The following LINS1 variants were observed in gnomAD, a reference collection of about 807,000 sequenced individuals.
LINS1 encodes the protein lines homolog 1, also known as protein Lines homolog 1.
LINS1 carries 27 observed loss-of-function variants against 41.6 expected under a neutral mutation model. The ratio of observed to expected loss-of-function variants is 0.65; its 90% CI spans 0.48 to 0.89. The LOEUF is 0.89. LINS1 is among the 40% of genes least tolerant of loss of function. The probability of loss-of-function intolerance (pLI) is 0.00; values close to 1 mark genes in which losing one functional copy is unlikely to be tolerated. For missense variants in LINS1, 955 were observed against 884.1 expected (o/e 1.08, Z -1.02); for synonymous variants, 336 against 312.9 (o/e 1.07, Z -0.78).
chr15:100,585,073 T>C (rs993690955), intron 1 of LINS1, among the ~76,000 whole-genome samples: 4 of 152,210 alleles, frequency 2.6e-5, no homozygotes, highest in African/African-American at 9.6e-5. Context: ...TCAAATTATA[T>C]GGATGTTAAA....
In LINS1 at chr15:100,569,782, A is replaced by G; in HGVS notation, c.1730T>C (p.Leu577Ser). 6.2e-7 allele frequency: 1 copy of G among 1,614,068 alleles called. No homozygotes were observed. Among genetic ancestry groups the G allele is most frequent in the Non-Finnish European group, 8.5e-7 (1 of 1,179,976 alleles). ...QSSNQTIPHR[L>S]TAPHSHRDVC... Reference sequence around the variant, plus strand: ...ATCTCTGTGACTATGAGGAGCAGTCAAACGATGGGGTATTGTTTGGTTGGA... The same window carrying G: ...ATCTCTGTGACTATGAGGAGCAGTCGAACGATGGGGTATTGTTTGGTTGGA... Residue 577 changes from leucine (L) to serine (S), a missense_variant, in exon 7 of 7, where the codon TTG becomes TCG. Physicochemically the swap from Leu to Ser is moderately radical, Grantham distance 145 (BLOSUM62 -2). Transcript: ENST00000314742.
At position 100,575,226 on chromosome 15, in the gene LINS1, T is replaced by C. The variant is rs145298749; in HGVS notation, c.490-98A>G. The C allele has an allele frequency of 1.1e-4, 114 of 1,057,192 alleles. No individual in the cohort carries two copies. In the African/African-American group the frequency reaches 1.5e-3, roughly 14 times the overall value. 65.5% of individuals were successfully genotyped at this position (1,057,192 alleles called of 1,614,324 possible). ...TGTTTATACATTTGGCCAAAAGAAG[T>C]ATGATAATATGTGGCACACCGAGAA... is the stretch of plus-strand genomic sequence containing the variant. On this transcript the variant is annotated intron_variant, in intron 3 of 6. Transcript: ENST00000314742.
At chr15:100,593,930 C>T (rs117042852) in intron 1 of LINS1, among the ~76,000 whole-genome samples, 2,377 of 152,310 alleles carry the variant, frequency 0.016, 37 homozygotes, top group Non-Finnish European at 0.022. Context: ...TCAGCAACTA[C>T]AGGTTGAAAT....
intron 5 of LINS1, 59 bp downstream of exon 5, chr15:100,573,592 A>T: frequency 9.5e-7 from 1 of 1,055,628 alleles, no homozygotes; most frequent in Non-Finnish European, 1.4e-6. Context: ...GATAATTATG[A>T]ATTACTGTAC....
intron 1 of LINS1, among the ~76,000 whole-genome samples, chr15:100,587,182 A>AAAAAG (rs1555434011): frequency 0.34 from 41,835 of 122,406 alleles, 8,900 homozygotes; most frequent in Non-Finnish European, 0.45. Context: ...AAAAAAAAAA[A>AAAAAG]CATTAGCAGT....
At chr15:100,588,786 G>C (rs997732855) in intron 1 of LINS1, among the ~76,000 whole-genome samples, 7 of 152,182 alleles carry the variant, frequency 4.6e-5, no homozygotes, top group African/African-American at 1.7e-4. Flanking sequence ...ATAACTGCTT[G>C]TTTAAAAGAG....
chr15:100,584,346 A>G (rs2038702847), intron 1 of LINS1, among the ~76,000 whole-genome samples: 1 of 152,204 alleles, frequency 6.6e-6, no homozygotes, highest in South Asian at 2.1e-4. Context: ...TGAAATTGCT[A>G]TCTGACCTAG....
intron 6 of LINS1, 136 bp from the exon 7 acceptor site, chr15:100,570,253 A>G (rs1252575592): frequency 1.5e-5 from 10 of 675,766 alleles, no homozygotes; most frequent in Middle Eastern, 4.3e-4. Flanking sequence ...AAAAGAAAAA[A>G]TTTCAAAACC....
chr15:100,579,866 T>C (rs2038428192), intron 3 of LINS1, among the ~76,000 whole-genome samples: 2 of 152,352 alleles, frequency 1.3e-5, no homozygotes, highest in South Asian at 2.1e-4. Context: ...TTATGGAGTC[T>C]GATGTGAAAT....
At chr15:100,574,664 T>C (rs2038051132) in intron 4 of LINS1, among the ~76,000 whole-genome samples, 1 of 152,176 alleles carries the variant, frequency 6.6e-6, no homozygotes. Context: ...GCCAAGATCA[T>C]GCCATTGCAC....
At chr15:100,575,196 A>C in intron 3 of LINS1, 68 bp from the exon 4 acceptor site, 3 of 1,379,328 alleles carry the variant, frequency 2.2e-6, no homozygotes, top group Non-Finnish European at 3.0e-6. Context: ...AACTGTATAC[A>C]ACATTGTTTA....
chr15:100,567,502 T>C lies in LINS1; in HGVS notation c.*1736A>G, dbSNP rs1225500185. 1 of 152,248 alleles carries C rather than the reference T, an allele frequency of 6.6e-6. No homozygotes were observed. 9.4% of individuals were successfully genotyped at this position (152,248 alleles called of 1,614,324 possible). On this transcript the variant is annotated 3_prime_UTR_variant, in exon 7 of 7. Coordinates refer to ENST00000314742, the MANE Select transcript of LINS1 (RefSeq NM_001040616.3). ...ATATGAATGTGTATTACTCCCGCCC[T>C]GCTTCTTTCCCTAAATAATTGCAAG...
In LINS1 at chr15:100,569,907, C is replaced by A; in HGVS notation, c.1605G>T (p.Trp535Cys). The A allele has an allele frequency of 6.2e-7, 1 of 1,608,812 alleles. No homozygotes were observed. Among genetic ancestry groups the A allele is most frequent in the Non-Finnish European group, 8.5e-7 (1 of 1,176,864 alleles). The stretch of plus-strand genomic sequence containing the variant: ...TATTGCAAATGGTGAAAAAATTATC[C>A]CAGTCCTTTTGCAGTAATTTTAAAT... ...VRYLKLLQKD[W>C]DNFFTICNNF... is the part of the protein sequence containing the mutation. The change falls in exon 7 of 7, where the codon TGG becomes TGT. Residue 535 changes from tryptophan (W) to cysteine (C), a missense_variant. Physicochemically the swap from Trp to Cys is radical, Grantham distance 215. Transcript: ENST00000314742.
rs56911211 is a variant in LINS1, at chr15:100,600,551, C to CAAAAAAAAAAAAAAAAAAAAAA, written c.-104+1569_-104+1570insTTTTTTTTTTTTTTTTTTTTTT. ...TTTACATTGGAGTCCTGCTGTTAAG[C>CAAAAAAAAAAAAAAAAAAAAAA]AAAAAAAAAAAAAAAAAAAACAGGG... On this transcript the variant is annotated intron_variant, in intron 1 of 6. Transcript: ENST00000314742. Among the ~76,000 whole-genome samples the CAAAAAAAAAAAAAAAAAAAAAA allele has an allele frequency of 1.3e-4, 10 of 79,678 alleles. 4 individuals are homozygous for CAAAAAAAAAAAAAAAAAAAAAA. Among genetic ancestry groups the CAAAAAAAAAAAAAAAAAAAAAA allele is most frequent in the African/African-American group, 6.7e-4 (10 of 15,012 alleles). The allele number at this position is 79,678 out of a possible 152,430, so 52.3% of individuals were successfully genotyped here. A position where few individuals can be genotyped will look rare whatever the true frequency, so the allele number is the denominator to read the frequency against.
intron 3 of LINS1, among the ~76,000 whole-genome samples, chr15:100,577,595 T>C (rs2038261562): frequency 6.6e-6 from 1 of 152,230 alleles, no homozygotes; most frequent in Non-Finnish European, 1.5e-5. Flanking sequence ...ATGGCCATAC[T>C]GCCCAAGGTA....
At position 100,569,331 on chromosome 15, in the gene LINS1, T is replaced by C. The variant is rs1199180671; in HGVS notation, c.2181A>G (p.Gln727=). ...QELQDAICRL[Q]KKNLFPYNPT... is the part of the protein sequence containing the mutation. Reference sequence around the variant, plus strand: ...GATTATATGGGAAAAGATTTTTCTTTTGCAAACGGCAGATGGCATCTTGTA... The same window carrying C: ...GATTATATGGGAAAAGATTTTTCTTCTGCAAACGGCAGATGGCATCTTGTA... Residue 727 remains glutamine, a synonymous_variant, in exon 7 of 7, where the codon CAA becomes CAG. Coordinates refer to ENST00000314742, the MANE Select transcript of LINS1 (RefSeq NM_001040616.3). The C allele has an allele frequency of 6.2e-7, 1 of 1,614,008 alleles. No homozygotes were observed. Among genetic ancestry groups the C allele is most frequent in the Non-Finnish European group, 8.5e-7 (1 of 1,180,000 alleles).
At chr15:100,601,503 A>T in intron 1 of LINS1, among the ~76,000 whole-genome samples, 1 of 152,166 alleles carries the variant, frequency 6.6e-6, no homozygotes, top group East Asian at 1.9e-4. Flanking sequence ...CACATTGGGG[A>T]TTAAATTTCA....
chr15:100,590,177 T>A (rs563946743), intron 1 of LINS1, among the ~76,000 whole-genome samples: 2 of 152,326 alleles, frequency 1.3e-5, no homozygotes, highest in South Asian at 4.1e-4. Flanking sequence ...GATCAAGACT[T>A]CTACTATTAT....
intron 3 of LINS1, among the ~76,000 whole-genome samples, chr15:100,578,089 A>T (rs2038296549): frequency 6.6e-6 from 1 of 152,214 alleles, no homozygotes; most frequent in Non-Finnish European, 1.5e-5. Context: ...AAACCTAGGC[A>T]ATACCATTCA....
Sources: allele counts gnomAD v4.1 joint callset (sites outside exome capture counted in the v4.1 genomes callset), GRCh38; gene constraint gnomAD v4.1.1; transcripts MANE v1.5; gene names NCBI Gene and HGNC (gene_info 2026-07-23, HGNC 2026-07-21).